WWOX: variants seen among roughly 807,000 people sequenced by gnomAD.
WWOX encodes the protein WW domain containing oxidoreductase, also known as WW domain-containing oxidoreductase.
Under a neutral mutation model 46.2 loss-of-function variants are expected in WWOX, and 69 were observed. That is an observed-to-expected ratio of 1.49 (90% CI 1.23 to 1.82). The LOEUF (loss-of-function observed/expected upper bound fraction) is 1.82. WWOX is among the 40% of genes most tolerant of loss of function. WWOX has a pLI of 0.00. For synonymous variants in WWOX, 359 were observed against 202.6 expected (o/e 1.77, Z -6.56); for missense variants, 919 against 542.6 (o/e 1.69, Z -6.89).
intron 8 of WWOX, among the ~76,000 whole-genome samples, chr16:78,685,519 C>T (rs1177282076): frequency 6.6e-6 from 1 of 152,142 alleles, no homozygotes; most frequent in African/African-American, 2.4e-5. Context: ...GACTATGTAT[C>T]CTAAAATGCA....
intron 8 of WWOX, among the ~76,000 whole-genome samples, chr16:78,934,659 A>G (rs2045698567): frequency 6.6e-6 from 1 of 152,090 alleles, no homozygotes; most frequent in Non-Finnish European, 1.5e-5. Flanking sequence ...GTCTTTGTGG[A>G]GGATCTTCAG....
At chr16:78,786,968 T>A (rs2050472655) in intron 8 of WWOX, among the ~76,000 whole-genome samples, 1 of 152,128 alleles carries the variant, frequency 6.6e-6, no homozygotes, top group Admixed American at 6.5e-5. Context: ...GGCAACATGA[T>A]GAAACCCTGT....
chr16:78,889,596 G>C (rs959304515), intron 8 of WWOX, among the ~76,000 whole-genome samples: 5 of 152,240 alleles, frequency 3.3e-5, no homozygotes, highest in East Asian at 3.9e-4. Flanking sequence ...AAGCTTGAAA[G>C]TACTAAGCGT....
At chr16:78,868,987 G>A (rs2044067918) in intron 8 of WWOX, among the ~76,000 whole-genome samples, 1 of 151,938 alleles carries the variant, frequency 6.6e-6, no homozygotes, top group Non-Finnish European at 1.5e-5. Context: ...ACACATGCAT[G>A]CGATCTGTAA....
At chr16:78,625,821 G>A (rs1240956659) in intron 8 of WWOX, among the ~76,000 whole-genome samples, 1 of 144,784 alleles carries the variant, frequency 6.9e-6, no homozygotes, top group African/African-American at 2.5e-5. Flanking sequence ...AAAGTAATTG[G>A]CAAATGGCAA....
At chr16:78,910,615 C>T (rs2045085226) in intron 8 of WWOX, among the ~76,000 whole-genome samples, 1 of 151,750 alleles carries the variant, frequency 6.6e-6, no homozygotes, top group African/African-American at 2.4e-5. Context: ...TTAATGGACT[C>T]ACAATTCCAC....
chr16:78,398,502 C>T (rs994068406), intron 6 of WWOX, among the ~76,000 whole-genome samples: 4 of 152,190 alleles, frequency 2.6e-5, no homozygotes, highest in African/African-American at 9.7e-5. Flanking sequence ...TCTACAGAGC[C>T]TCCCTTCTAC....
chr16:79,170,981 A>G (rs1026067692), intron 8 of WWOX, among the ~76,000 whole-genome samples: 1 of 152,216 alleles, frequency 6.6e-6, no homozygotes, highest in Admixed American at 6.5e-5. Context: ...CCAATCTAAG[A>G]AAAATGTGAG....
intron 5 of WWOX, among the ~76,000 whole-genome samples, chr16:78,356,663 A>G (rs1026633186): frequency 6.6e-6 from 1 of 152,206 alleles, no homozygotes; most frequent in East Asian, 1.9e-4. Flanking sequence ...CGAGTGGATC[A>G]CGAGGTCAGC....
chr16:79,042,281 A>G (rs77413834), intron 8 of WWOX, among the ~76,000 whole-genome samples: 1,755 of 152,254 alleles, frequency 0.012, 18 homozygotes, highest in African/African-American at 0.028. Flanking sequence ...TGTCTTTTGC[A>G]TTATGTCATG....
At position 78,797,231 on chromosome 16, in the gene WWOX, G is replaced by C. The variant is rs112521635; in HGVS notation, c.1056+364479G>C. Among the ~76,000 whole-genome samples, 576 of 152,052 alleles carry C rather than the reference G, an allele frequency of 3.8e-3. 2 individuals carry two copies. Among genetic ancestry groups the C allele is most frequent in the Middle Eastern group, 0.021 (6 of 292 alleles). ...CATGAGAGTGGCTTCTGAATGAAGA[G>C]AACCTGCTAAAGGGAAGACATGATC... On this transcript the variant is annotated intron_variant, in intron 8 of 8. Coordinates refer to ENST00000566780, the MANE Select transcript of WWOX (RefSeq NM_016373.4).
At chr16:78,360,585 CA>C (rs56382445) in intron 5 of WWOX, among the ~76,000 whole-genome samples, 1,351 of 86,510 alleles carry the variant, frequency 0.016, 96 homozygotes, top group Non-Finnish European at 0.015. Context: ...GACTCTGTCT[CA>C]AAAAAAAAAA....
intron 8 of WWOX, among the ~76,000 whole-genome samples, chr16:78,731,097 T>C (rs759790899): frequency 9.2e-5 from 14 of 152,164 alleles, no homozygotes; most frequent in Non-Finnish European, 1.8e-4. Context: ...GGGTGGGAAA[T>C]TGCTTGCTTT....
chr16:78,217,992 A>G (rs895357348), intron 5 of WWOX, among the ~76,000 whole-genome samples: 6 of 152,100 alleles, frequency 3.9e-5, no homozygotes, highest in African/African-American at 1.2e-4. Context: ...GCAGAGGCCA[A>G]CGTATCTCAC....
chr16:78,354,976 G>T (rs556605868), intron 5 of WWOX, among the ~76,000 whole-genome samples: 64 of 152,092 alleles, frequency 4.2e-4, no homozygotes, highest in South Asian at 1.0e-3. Context: ...TCCTAAAAAT[G>T]CAAAAATTAG....
At chr16:78,227,467 C>G (rs529092695) in intron 5 of WWOX, among the ~76,000 whole-genome samples, 4 of 152,266 alleles carry the variant, frequency 2.6e-5, no homozygotes, top group African/African-American at 9.6e-5. Flanking sequence ...CAATGCTGCT[C>G]TTTTCTTGCA....
At chr16:79,129,288 A>G (rs1268788821) in intron 8 of WWOX, among the ~76,000 whole-genome samples, 1 of 150,826 alleles carries the variant, frequency 6.6e-6, no homozygotes, top group African/African-American at 2.4e-5. Context: ...CCCAATATTA[A>G]AAGATTGTAT....
At chr16:78,408,602 A>G (rs1006675080) in intron 6 of WWOX, among the ~76,000 whole-genome samples, 1 of 152,200 alleles carries the variant, frequency 6.6e-6, no homozygotes, top group Non-Finnish European at 1.5e-5. Context: ...CTCCTGTCCT[A>G]CGTAGCTATC....
intron 8 of WWOX, among the ~76,000 whole-genome samples, chr16:78,485,142 T>TA (rs537466170): frequency 4.6e-4 from 68 of 149,294 alleles, no homozygotes; most frequent in African/African-American, 1.3e-3. Context: ...ACATGTACTT[T>TA]AAAAAAAAAA....
Sources: gnomAD v4.1 joint callset for allele counts (sites outside exome capture counted in the v4.1 genomes callset) on GRCh38, gnomAD v4.1.1 for gene constraint, MANE v1.5 for transcripts, NCBI Gene and HGNC (gene_info 2026-07-23, HGNC 2026-07-21) for gene names.